Variants in ASIC2 observed in about 807,000 individuals in gnomAD.
ASIC2 encodes the protein acid-sensing ion channel 2.
Under a neutral mutation model 57.3 loss-of-function variants are expected in ASIC2, and 25 were observed. That is an observed-to-expected ratio of 0.44 (90% CI 0.32 to 0.61). The LOEUF (loss-of-function observed/expected upper bound fraction) is 0.61, where lower values mean the gene tolerates loss of function less well. ASIC2 is among the 20% of genes least tolerant of loss of function. The pLI is 0.06. For missense variants in ASIC2, 641 were observed against 738.1 expected, an observed-to-expected ratio of 0.87 and a Z score of 1.52; for synonymous variants, 319 against 307.5, an observed-to-expected ratio of 1.04 and a Z score of -0.39.
intron 3 of ASIC2, among the ~76,000 whole-genome samples, chr17:33,060,537 A>C (rs555543889): frequency 6.6e-6 from 1 of 152,206 alleles, no homozygotes; most frequent in Non-Finnish European, 1.5e-5. Flanking sequence ...TTTTGGTACA[A>C]GTACCATGCT....
In ASIC2 at chr17:33,535,853, C is replaced by T. The variant is rs187545377; in HGVS notation, c.556-423786G>A. 7.9e-5 allele frequency among the ~76,000 whole-genome samples: 12 copies of T among 152,372 alleles called. No homozygotes were observed. The East Asian group carries it at 1.9e-3, about 24-fold the overall frequency. On this transcript the variant is annotated intron_variant, in intron 1 of 9. Transcript: ENST00000359872. The stretch of plus-strand genomic sequence containing the variant: ...ACGTGAAACAGAGTTCCCACCTCTA[C>T]TCCAGCCTCCCCACACACTGCTAAT...
chr17:34,047,676 G>A (rs1908391242), intron 1 of ASIC2, among the ~76,000 whole-genome samples: 1 of 152,050 alleles, frequency 6.6e-6, no homozygotes, highest in African/African-American at 2.4e-5. Flanking sequence ...CTGCTGACTT[G>A]CTGTGACCAA....
intron 1 of ASIC2, among the ~76,000 whole-genome samples, chr17:33,918,944 A>T (rs897251557): frequency 6.6e-6 from 1 of 152,168 alleles, no homozygotes; most frequent in Non-Finnish European, 1.5e-5. Context: ...CTGGCTGCCA[A>T]CAAGAGTGGG....
intron 1 of ASIC2, among the ~76,000 whole-genome samples, chr17:33,770,780 C>T (rs139162555): frequency 1.5e-3 from 234 of 152,284 alleles, no homozygotes; most frequent in African/African-American, 5.2e-3. Flanking sequence ...AGATTGAAAC[C>T]TGCAGGGCTG....
At chr17:33,218,329 G>A (rs1907572796) in intron 1 of ASIC2, among the ~76,000 whole-genome samples, 1 of 152,146 alleles carries the variant, frequency 6.6e-6, no homozygotes, top group South Asian at 2.1e-4. Context: ...CTCGACATGT[G>A]CTCTCTCCTG....
chr17:33,859,160 A>C (rs1914040506), intron 1 of ASIC2, among the ~76,000 whole-genome samples: 1 of 152,236 alleles, frequency 6.6e-6, no homozygotes, highest in Non-Finnish European at 1.5e-5. Context: ...CAAACTAGCT[A>C]TAAAAATAAT....
intron 1 of ASIC2, among the ~76,000 whole-genome samples, chr17:33,263,817 G>A (rs1194915613): frequency 9.9e-5 from 15 of 152,242 alleles, no homozygotes; most frequent in African/African-American, 3.6e-4. Context: ...CTAAAGCATG[G>A]TGCCCGGTTC....
chr17:33,758,675 G>A (rs1910686342), intron 1 of ASIC2, among the ~76,000 whole-genome samples: 1 of 152,070 alleles, frequency 6.6e-6, no homozygotes, highest in African/African-American at 2.4e-5. Context: ...TGGTGGCAAT[G>A]TAAGAAGAGA....
At chr17:33,091,148 T>C (rs1367378973) in intron 2 of ASIC2, among the ~76,000 whole-genome samples, 1 of 152,140 alleles carries the variant, frequency 6.6e-6, no homozygotes, top group Non-Finnish European at 1.5e-5. Context: ...GGCCCTCAGG[T>C]GGAACCTCAA....
At chr17:33,461,275 T>C (rs1056701750) in intron 1 of ASIC2, among the ~76,000 whole-genome samples, 2 of 152,248 alleles carry the variant, frequency 1.3e-5, no homozygotes, top group Non-Finnish European at 2.9e-5. Flanking sequence ...TTATTCACCC[T>C]GTGACATACT....
intron 1 of ASIC2, among the ~76,000 whole-genome samples, chr17:33,552,636 T>C (rs1915787077): frequency 1.3e-5 from 2 of 152,222 alleles, no homozygotes; most frequent in African/African-American, 4.8e-5. Context: ...ATATGTAAAG[T>C]CCTGGTACAT....
In ASIC2 at chr17:33,147,882, G is replaced by A. The variant is rs570932314; in HGVS notation, c.709-35815C>T. 7.9e-5 allele frequency among the ~76,000 whole-genome samples: 12 copies of A among 152,264 alleles called. No individual in the cohort carries two copies. In the East Asian group the frequency reaches 9.6e-4, roughly 12 times the overall value. On this transcript the variant is annotated intron_variant, in intron 1 of 9. Coordinates refer to ENST00000225823, the MANE Select transcript of ASIC2 (RefSeq NM_183377.2). Reference sequence around the variant, plus strand: ...CAAGTTGGAGCTGCGTGCTGTGGGCGCTGGTTTTCATCACAGACTGGAGGA... The same window carrying A: ...CAAGTTGGAGCTGCGTGCTGTGGGCACTGGTTTTCATCACAGACTGGAGGA...
In ASIC2 at chr17:33,408,939, C is replaced by T. The variant is rs140810267; in HGVS notation, c.556-296872G>A. Among the ~76,000 whole-genome samples, 680 of 152,264 alleles carry T rather than the reference C, an allele frequency of 4.5e-3. 5 individuals carry two copies. The highest frequency in any genetic ancestry group is 0.015 in the African/African-American group (629 of 41,546). On this transcript the variant is annotated intron_variant, in intron 1 of 9. Transcript: ENST00000359872. Reference sequence around the variant, plus strand: ...ACAGAATATTCCAGTCCTGGCTGGGCGTGATGGCCCATGCCTGTAATCCCA... The same window carrying T: ...ACAGAATATTCCAGTCCTGGCTGGGTGTGATGGCCCATGCCTGTAATCCCA...
intron 1 of ASIC2, among the ~76,000 whole-genome samples, chr17:34,100,393 A>C (rs1183659822): frequency 6.6e-6 from 1 of 152,150 alleles, no homozygotes; most frequent in African/African-American, 2.4e-5. Flanking sequence ...TGGCACGGTA[A>C]GGCTCGTCAC....
chr17:34,153,771 C>T (rs1390764265), intron 1 of ASIC2, among the ~76,000 whole-genome samples: 2 of 152,188 alleles, frequency 1.3e-5, no homozygotes, highest in Admixed American at 1.3e-4. Flanking sequence ...GAGGAATGGA[C>T]ACTCAAATAG....
intron 1 of ASIC2, among the ~76,000 whole-genome samples, chr17:33,995,356 T>A (rs1056218026): frequency 2.0e-5 from 3 of 152,154 alleles, no homozygotes; most frequent in Admixed American, 2.0e-4. Flanking sequence ...ACCTGGAACC[T>A]GGCAGAAGGA....
At chr17:34,152,460 C>G (rs2142145190) in intron 1 of ASIC2, among the ~76,000 whole-genome samples, 1 of 152,278 alleles carries the variant, frequency 6.6e-6, no homozygotes, top group East Asian at 1.9e-4. Flanking sequence ...GAAACCCCAT[C>G]TCAGTCAGGT....
chr17:33,043,640 C>A (rs1025324471), intron 3 of ASIC2, among the ~76,000 whole-genome samples: 3 of 152,154 alleles, frequency 2.0e-5, no homozygotes, highest in Admixed American at 2.0e-4. Context: ...ACCATCAAAC[C>A]ACACATTGCT....
intron 3 of ASIC2, among the ~76,000 whole-genome samples, chr17:33,084,068 T>C (rs543893674): frequency 6.6e-6 from 1 of 152,082 alleles, no homozygotes; most frequent in South Asian, 2.1e-4. Context: ...CTTATAAGCA[T>C]CCCATGCCAG....
Sources: gnomAD v4.1 joint callset for allele counts (sites outside exome capture counted in the v4.1 genomes callset) on GRCh38, gnomAD v4.1.1 for gene constraint, MANE v1.5 for transcripts, NCBI Gene and HGNC (gene_info 2026-07-23, HGNC 2026-07-21) for gene names.